The following VCAN variants were observed in gnomAD, a reference collection of about 807,000 sequenced individuals.
The protein encoded by VCAN is versican, also known as versican core protein.
In VCAN, 44 loss-of-function variants were observed where a neutral mutation model predicts 245.5. The ratio of observed to expected loss-of-function variants is 0.18; its 90% CI spans 0.14 to 0.23. The LOEUF (loss-of-function observed/expected upper bound fraction) is 0.23, where lower values mean the gene tolerates loss of function less well. VCAN is among the 10% of genes least tolerant of loss of function. The pLI is 1.00. For missense variants in VCAN, 3,793 were observed against 4,057.9 expected (o/e 0.93, Z 1.77); for synonymous variants, 1,413 against 1,437.0 (o/e 0.98, Z 0.38).
intron 5 of VCAN, among the ~76,000 whole-genome samples, chr5:83,497,431 T>C (rs1745193681): frequency 6.6e-6 from 1 of 152,188 alleles, no homozygotes; most frequent in Non-Finnish European, 1.5e-5. Context: ...CAGTTATGCA[T>C]ATTCAATGAA....
Position 83,490,072 on chromosome 5 carries a change from A to C in VCAN, c.71-26A>C, listed in dbSNP as rs779775406. 1.9e-6 allele frequency: 3 copies of C among 1,612,774 alleles called. No individual in the cohort carries two copies. In the Admixed American group the frequency reaches 5.0e-5, roughly 27 times the overall value. On this transcript the variant is annotated intron_variant, in intron 2 of 14. Coordinates refer to ENST00000265077, the MANE Select transcript of VCAN (RefSeq NM_004385.5). ...TAAGTTTGGGTTTTTTAAGATTGTT[A>C]ATTTGTTATTTTCTCTTTCCTCTAG...
chr5:83,517,715 T>A (rs1339974176), intron 6 of VCAN, among the ~76,000 whole-genome samples: 2 of 152,198 alleles, frequency 1.3e-5, no homozygotes, highest in African/African-American at 4.8e-5. Context: ...AAAAGGTTAT[T>A]TAATGTTTTT....
At chr5:83,569,790 T>C (rs866361771) in intron 12 of VCAN, among the ~76,000 whole-genome samples, 24 of 152,190 alleles carry the variant, frequency 1.6e-4, no homozygotes, top group African/African-American at 5.1e-4. Flanking sequence ...TGGCGAACTC[T>C]GGAATCTTTG....
chr5:83,496,842 T>C (rs1295332896), intron 5 of VCAN, among the ~76,000 whole-genome samples: 2 of 152,202 alleles, frequency 1.3e-5, no homozygotes, highest in African/African-American at 2.4e-5. Flanking sequence ...AGACCATGGC[T>C]AATGAGTGAA....
intron 5 of VCAN, among the ~76,000 whole-genome samples, chr5:83,505,339 G>A (rs1227506080): frequency 2.0e-5 from 3 of 152,174 alleles, no homozygotes; most frequent in African/African-American, 4.8e-5. Context: ...ATACAATGGG[G>A]ATACAGGTAT....
intron 2 of VCAN, among the ~76,000 whole-genome samples, chr5:83,483,906 C>T (rs1055401886): frequency 6.6e-6 from 1 of 152,030 alleles, no homozygotes; most frequent in Non-Finnish European, 1.5e-5. Flanking sequence ...AAAAACTTTC[C>T]TATGCAAAAA....
intron 2 of VCAN, among the ~76,000 whole-genome samples, chr5:83,488,393 G>A (rs1022493186): frequency 6.6e-6 from 1 of 152,204 alleles, no homozygotes; most frequent in East Asian, 1.9e-4. Context: ...TAGGGGCAGA[G>A]GAAGCACACC....
intron 7 of VCAN, among the ~76,000 whole-genome samples, chr5:83,523,828 A>C (rs1746192090): frequency 6.6e-6 from 1 of 152,190 alleles, no homozygotes; most frequent in Non-Finnish European, 1.5e-5. Flanking sequence ...TAGGAAAAAG[A>C]AAATGAATTG....
In VCAN at chr5:83,471,770, C is replaced by T; in HGVS notation, c.-260C>T. 1 of 398,812 alleles carries T rather than the reference C, an allele frequency of 2.5e-6. No homozygotes were observed. The highest frequency in any genetic ancestry group is 3.6e-5 in the East Asian group (1 of 28,068). The allele number at this position is 398,812 out of a possible 1,614,324, so 24.7% of individuals were successfully genotyped here. On this transcript the variant is annotated 5_prime_UTR_variant, in exon 1 of 15. Transcript: ENST00000265077. ...CATTTGAACTTGCAGGCGAGCTGCC[C>T]CGAGCCTTTCTGGGGAAGAACTCCA...
chr5:83,492,442 A>G (rs757456821), intron 3 of VCAN, among the ~76,000 whole-genome samples: 2 of 152,136 alleles, frequency 1.3e-5, no homozygotes, highest in Non-Finnish European at 2.9e-5. Flanking sequence ...CTCAATTTCT[A>G]TTTTTCAGTG....
chr5:83,570,483 T>A (rs1748247356), intron 12 of VCAN, among the ~76,000 whole-genome samples: 1 of 152,080 alleles, frequency 6.6e-6, no homozygotes, highest in Non-Finnish European at 1.5e-5. Context: ...AGATCTAAAT[T>A]TTTTTTACCA....
chr5:83,506,892 C>A (rs1281342448), intron 5 of VCAN, among the ~76,000 whole-genome samples: 2 of 152,234 alleles, frequency 1.3e-5, no homozygotes, highest in East Asian at 3.9e-4. Context: ...CAGAAAGCCC[C>A]TGATAAACCC....
At position 83,520,348 on chromosome 5, in the gene VCAN, C is replaced by T; in HGVS notation, c.2042C>T (p.Thr681Ile). 1 of 1,612,494 alleles carries T rather than the reference C, an allele frequency of 6.2e-7. No individual in the cohort carries two copies. The highest frequency in any genetic ancestry group is 1.1e-5 in the South Asian group (1 of 90,950). Reference sequence around the variant, plus strand: ...TATCCTTCTCTACAAACAGAAATGACACATAGAAGAGAAAGAACAGAAACA... The same window carrying T: ...TATCCTTCTCTACAAACAGAAATGATACATAGAAGAGAAAGAACAGAAACA... ...VIYPSLQTEM[T>I]HRRERTETLI... Residue 681 changes from threonine (T) to isoleucine (I), a missense_variant, in exon 7 of 15, where the codon ACA (threonine) becomes ATA (isoleucine). By Grantham distance (89) the Thr-to-Ile change is moderately conservative. Coordinates refer to ENST00000265077, the MANE Select transcript of VCAN (RefSeq NM_004385.5).
chr5:83,513,833 C>T (rs543067968), intron 6 of VCAN, among the ~76,000 whole-genome samples: 3 of 152,176 alleles, frequency 2.0e-5, no homozygotes, highest in Non-Finnish European at 2.9e-5. Flanking sequence ...AATTAAGGAG[C>T]AAAATCAGAT....
At chr5:83,476,417 C>G (rs1419276640) in intron 1 of VCAN, among the ~76,000 whole-genome samples, 2 of 152,130 alleles carry the variant, frequency 1.3e-5, no homozygotes, top group African/African-American at 4.8e-5. Flanking sequence ...TATTTTTTCA[C>G]CACCCACGTA....
intron 7 of VCAN, 71 bp downstream of exon 7, chr5:83,522,380 A>G (rs1580630696): frequency 4.5e-6 from 7 of 1,540,176 alleles, no homozygotes; most frequent in East Asian, 2.3e-5. Flanking sequence ...TTTTGGGGAA[A>G]AAAAGTCAAC....
intron 1 of VCAN, among the ~76,000 whole-genome samples, chr5:83,479,132 T>C (rs1744525423): frequency 6.6e-6 from 1 of 152,134 alleles, no homozygotes; most frequent in African/African-American, 2.4e-5. Flanking sequence ...ATTCTTTCTG[T>C]GAGAAAGAAC....
At position 83,520,974 on chromosome 5, in the gene VCAN, G is replaced by T. The variant is rs146527005; in HGVS notation, c.2668G>T (p.Gly890Cys). 232 of 1,614,038 alleles carry T rather than the reference G, an allele frequency of 1.4e-4. 2 individuals carry two copies. In the African/African-American group the frequency reaches 2.9e-3, roughly 20 times the overall value. ...TIRFQPTTST[G>C]IAEKSTLRDS... is the part of the protein sequence containing the mutation. ...TAGATTTCAGCCAACTACATCAACT[G>T]GTATTGCAGAAAAGTCAACTTTGAG... Residue 890 changes from glycine (G) to cysteine (C), a missense_variant, in exon 7 of 15, where the codon GGT becomes TGT. Gly to Cys is a radical substitution (Grantham distance 159, BLOSUM62 -3). This residue lies in a region of VCAN where 3,182 missense variants were observed against 3,250.3 expected (regional missense o/e 0.98). Transcript: ENST00000265077.
chr5:83,519,267 CT>C, intron 6 of VCAN, 81 bp from the exon 7 acceptor site: 1 of 1,456,836 alleles, frequency 6.9e-7, no homozygotes, highest in Non-Finnish European at 9.5e-7. Context: ...CTACAAAATA[CT>C]CAGGAGCACT....
Sources: allele counts gnomAD v4.1 joint callset (sites outside exome capture counted in the v4.1 genomes callset), GRCh38; gene constraint gnomAD v4.1.1; regional missense constraint gnomAD v4.1.1; transcripts MANE v1.5; gene names NCBI Gene and HGNC (gene_info 2026-07-23, HGNC 2026-07-21).